DMD: variants seen among roughly 807,000 people sequenced by gnomAD.
DMD encodes mutant dystrophin.
A neutral mutation model predicts 330.1 loss-of-function variants in DMD; 63 were observed. The ratio of observed to expected loss-of-function variants is 0.19; its 90% confidence interval spans 0.16 to 0.24. The LOEUF is 0.24. Among genes scored for constraint, DMD ranks in the 10% least tolerant of loss-of-function variants. The pLI is 1.00. For synonymous variants in DMD, 1,223 were observed against 959.8 expected, an observed-to-expected ratio of 1.27 and a Z score of -5.07; for missense variants, 3,344 against 2,684.1, an observed-to-expected ratio of 1.25 and a Z score of -5.43.
chrX:31,798,367 T>C (rs933432473), intron 50 of DMD, among the ~76,000 whole-genome samples: 1 of 110,012 alleles, frequency 9.1e-6, no homozygotes, highest in Non-Finnish European at 1.9e-5. Context: ...TCAAAATCAA[T>C]GAAAAGTGGC....
chrX:32,246,764 G>C (rs1378398625), intron 43 of DMD, among the ~76,000 whole-genome samples: 2 of 109,582 alleles, frequency 1.8e-5, no homozygotes, highest in Non-Finnish European at 3.8e-5. Context: ...GGTGTTTGTA[G>C]TATTCTCTGA....
rs1235791184 is a variant in DMD, at chrX:32,463,434, T to C, written c.3432+5A>G. The C allele has an allele frequency of 4.1e-6, 5 of 1,205,104 alleles. No individual in the cohort carries two copies. In the East Asian group the frequency reaches 1.2e-4, roughly 29 times the overall value. ...GCAAGCCACAGTGAAAGAGATTGTC[T>C]ATACCTGTTGGCACATGTGATCCCA... is the stretch of plus-strand genomic sequence containing the variant. On this transcript the variant is annotated splice_donor_5th_base_variant and intron_variant, in intron 25 of 78. Coordinates refer to ENST00000357033, the MANE Select transcript of DMD (RefSeq NM_004006.3).
intron 30 of DMD, among the ~76,000 whole-genome samples, chrX:32,398,578 C>T (rs773535254): frequency 3.4e-4 from 38 of 110,596 alleles, no homozygotes; most frequent in Admixed American, 1.4e-3. Flanking sequence ...ACCACAGAAC[C>T]GTTTAAAAAT....
At chrX:31,490,475 G>C (rs1052585866) in intron 57 of DMD, among the ~76,000 whole-genome samples, 6 of 111,480 alleles carry the variant, frequency 5.4e-5, no homozygotes, top group Non-Finnish European at 1.1e-4. Flanking sequence ...AGAATGGCGT[G>C]AACCCAGGAG....
intron 34 of DMD, among the ~76,000 whole-genome samples, chrX:32,366,852 A>G (rs2097856344): frequency 8.9e-6 from 1 of 112,088 alleles, no homozygotes; most frequent in South Asian, 3.7e-4. Context: ...CAATTCTAAG[A>G]TATGGTTTTA....
intron 60 of DMD, among the ~76,000 whole-genome samples, chrX:31,420,460 G>T (rs763345953): frequency 8.9e-6 from 1 of 112,341 alleles, no homozygotes; most frequent in African/African-American, 3.2e-5. Context: ...GCCAGGCAAG[G>T]TTTATGTTAT....
intron 67 of DMD, 32 bp from the exon 68 acceptor site, chrX:31,182,936 C>A (rs368115784): frequency 8.6e-7 from 1 of 1,164,617 alleles, no homozygotes; most frequent in Non-Finnish European, 1.2e-6. Flanking sequence ...AGAAGGAGGG[C>A]AAAAGGATGA....
At chrX:32,238,411 C>A (rs1312277592) in intron 43 of DMD, among the ~76,000 whole-genome samples, 1 of 108,754 alleles carries the variant, frequency 9.2e-6, no homozygotes, top group Non-Finnish European at 1.9e-5. Context: ...TAGGGCTGCT[C>A]ATGACATGTG....
chrX:31,717,680 T>C (rs1476858995), intron 52 of DMD, among the ~76,000 whole-genome samples: 2 of 112,393 alleles, frequency 1.8e-5, no homozygotes, highest in Non-Finnish European at 3.8e-5. Flanking sequence ...ACAATTACAC[T>C]TGATGTTCAC....
At chrX:32,343,960 A>T (rs1720702305) in intron 39 of DMD, among the ~76,000 whole-genome samples, 2 of 112,122 alleles carry the variant, frequency 1.8e-5, no homozygotes, top group Admixed American at 1.9e-4. Context: ...CATTTATCTT[A>T]CTATACCAAA....
chrX:33,073,899 T>C (rs2094798930), intron 1 of DMD, among the ~76,000 whole-genome samples: 1 of 111,348 alleles, frequency 9.0e-6, no homozygotes, highest in African/African-American at 3.3e-5. Context: ...CAGTCAATAT[T>C]AAAAATTATA....
At chrX:32,544,719 G>C (rs936491116) in intron 17 of DMD, among the ~76,000 whole-genome samples, 3 of 109,993 alleles carry the variant, frequency 2.7e-5, no homozygotes, top group Admixed American at 9.8e-5. Flanking sequence ...TCATGTTCTC[G>C]TAAACTACCA....
At chrX:31,571,619 G>A (rs957400207) in intron 55 of DMD, among the ~76,000 whole-genome samples, 26 of 110,829 alleles carry the variant, frequency 2.3e-4, no homozygotes, top group South Asian at 2.3e-3. Context: ...TGCACATCAC[G>A]GATATAAAAT....
At chrX:32,492,261 C>T (rs758908690) in intron 19 of DMD, among the ~76,000 whole-genome samples, 2 of 111,829 alleles carry the variant, frequency 1.8e-5, no homozygotes, top group East Asian at 5.7e-4. Flanking sequence ...TGGCGTGAAC[C>T]CGGGAGGCGG....
intron 1 of DMD, among the ~76,000 whole-genome samples, chrX:33,056,792 A>G (rs1029507188): frequency 8.9e-6 from 1 of 111,861 alleles, no homozygotes; most frequent in African/African-American, 3.3e-5. Context: ...GAGTTTATAT[A>G]CCATAATATC....
chrX:32,116,184 C>T (rs1189112991), intron 44 of DMD, among the ~76,000 whole-genome samples: 1 of 111,414 alleles, frequency 9.0e-6, no homozygotes, highest in Admixed American at 9.6e-5. Context: ...AGTGCCCTTG[C>T]CCTTGTTTCC....
At chrX:31,365,999 T>C (rs985754279) in intron 60 of DMD, among the ~76,000 whole-genome samples, 1 of 112,482 alleles carries the variant, frequency 8.9e-6, no homozygotes, top group Non-Finnish European at 1.9e-5. Context: ...GATGTTGCTA[T>C]TATCTAGCAT....
intron 1 of DMD, among the ~76,000 whole-genome samples, chrX:33,287,259 G>A (rs2053447192): frequency 9.0e-6 from 1 of 110,800 alleles, no homozygotes; most frequent in African/African-American, 3.3e-5. Context: ...TTCAAAAGTG[G>A]CACTTTTAAC....
At position 31,121,426 on chromosome X, in the gene DMD, TTGTGTGTGTGTGTGTATGTGTG is replaced by T. The variant is rs891486611; in HGVS notation, c.*471_*492del. On this transcript the variant is annotated 3_prime_UTR_variant, in exon 79 of 79. Coordinates refer to ENST00000357033, the MANE Select transcript of DMD (RefSeq NM_004006.3). ...CAAAACAATGCGCTGCCTCAAAGTTTTGTGTGTGTGTGTGTATGTGTGTGTGTGTGTGTTTGTTTTGTTTTTA... is the reference window on the plus strand; with the variant it reads ...CAAAACAATGCGCTGCCTCAAAGTTTTGTGTGTGTGTTTGTTTTGTTTTTA... The T allele has an allele frequency of 2.9e-5, 3 of 102,902 alleles. No homozygotes were observed. Among genetic ancestry groups the T allele is most frequent in the East Asian group, 2.8e-4 (1 of 3,521 alleles). The allele number at this position is 102,902 out of a possible 1,213,427, so 8.5% of individuals were successfully genotyped here.
Sources: allele counts gnomAD v4.1 joint callset (sites outside exome capture counted in the v4.1 genomes callset), GRCh38; gene constraint gnomAD v4.1.1; transcripts MANE v1.5; gene names NCBI Gene and HGNC (gene_info 2026-07-23, HGNC 2026-07-21).